Variants in CARMIL1 observed in about 807,000 individuals in gnomAD.
The protein encoded by CARMIL1 is capping protein regulator and myosin 1 linker 1, also known as F-actin-uncapping protein LRRC16A.
In CARMIL1, 90 loss-of-function variants were observed where a neutral mutation model predicts 177.1. The ratio of observed to expected loss-of-function variants is 0.51; its 90% CI spans 0.43 to 0.61. CARMIL1 has a LOEUF of 0.61. Ranked by LOEUF, CARMIL1 falls within the 20% of genes least tolerant of loss-of-function variation. The pLI, the probability that CARMIL1 is intolerant of heterozygous loss-of-function variation, is 0.00. For synonymous variants in CARMIL1, 577 were observed against 606.2 expected, an observed-to-expected ratio of 0.95 and a Z score of 0.71; for missense variants, 1,380 against 1,667.0, an observed-to-expected ratio of 0.83 and a Z score of 3.00.
At chr6:25,328,596 A>G (rs562236741) in intron 2 of CARMIL1, among the ~76,000 whole-genome samples, 1 of 152,130 alleles carries the variant, frequency 6.6e-6, no homozygotes, top group Non-Finnish European at 1.5e-5. Context: ...CAGATGTCAC[A>G]TCTTCGTTAC....
intron 2 of CARMIL1, among the ~76,000 whole-genome samples, chr6:25,379,732 A>G (rs1039228727): frequency 3.3e-5 from 5 of 152,152 alleles, no homozygotes; most frequent in African/African-American, 4.8e-5. Flanking sequence ...CGGGATTGCT[A>G]TATTTCCAAA....
At chr6:25,557,402 C>A (rs1387206550) in intron 29 of CARMIL1, among the ~76,000 whole-genome samples, 1 of 152,042 alleles carries the variant, frequency 6.6e-6, no homozygotes, top group African/African-American at 2.4e-5. Flanking sequence ...GTAGCATATC[C>A]ATCTGGCCCT....
intron 2 of CARMIL1, among the ~76,000 whole-genome samples, chr6:25,342,608 ATCTT>A (rs34278767): frequency 0.25 from 38,530 of 151,870 alleles, 4,894 homozygotes; most frequent in South Asian, 0.34. Context: ...TAGGCTTGAA[ATCTT>A]TCTTTATTTT....
At chr6:25,290,046 T>C (rs925159145) in intron 2 of CARMIL1, among the ~76,000 whole-genome samples, 3 of 152,162 alleles carry the variant, frequency 2.0e-5, no homozygotes, top group African/African-American at 7.2e-5. Flanking sequence ...TTACCAGCAA[T>C]GTATGAGTGG....
At chr6:25,389,868 A>C (rs1581772338) in intron 2 of CARMIL1, among the ~76,000 whole-genome samples, 1 of 152,068 alleles carries the variant, frequency 6.6e-6, no homozygotes, top group South Asian at 2.1e-4. Flanking sequence ...GCCTAGGAAA[A>C]TTTTCTGTGT....
intron 29 of CARMIL1, among the ~76,000 whole-genome samples, chr6:25,568,127 CA>C (rs887013033): frequency 3.3e-5 from 5 of 152,172 alleles, no homozygotes; most frequent in Admixed American, 3.3e-4. Context: ...TGAAAAATAA[CA>C]CTTGGAAACT....
intron 36 of CARMIL1, among the ~76,000 whole-genome samples, chr6:25,616,840 G>T (rs10946785): frequency 0.28 from 43,120 of 151,942 alleles, 6,179 homozygotes; most frequent in Non-Finnish European, 0.3. Flanking sequence ...GGGTGGAGAC[G>T]AGAAGAACAA....
intron 2 of CARMIL1, among the ~76,000 whole-genome samples, chr6:25,349,871 G>T (rs555034115): frequency 6.6e-6 from 1 of 152,150 alleles, no homozygotes; most frequent in South Asian, 2.1e-4. Flanking sequence ...TGGGATTACA[G>T]GCACATGCCA....
chr6:25,542,503 T>G (rs1582304997), intron 26 of CARMIL1, among the ~76,000 whole-genome samples: 1 of 152,136 alleles, frequency 6.6e-6, no homozygotes, highest in East Asian at 1.9e-4. Context: ...AGCATGCTTT[T>G]CTCTCATTCT....
chr6:25,389,440 C>A (rs1381086618), intron 2 of CARMIL1, among the ~76,000 whole-genome samples: 1 of 152,136 alleles, frequency 6.6e-6, no homozygotes, highest in Admixed American at 6.6e-5. Flanking sequence ...CTCAGCCTCC[C>A]AAGAAGCTGG....
rs1475347684 is a variant in CARMIL1 at position 25,520,374 on chromosome 6, AC to A, written c.1968+38del. On this transcript the variant is annotated intron_variant, in intron 23 of 36. Coordinates refer to ENST00000329474, the MANE Select transcript of CARMIL1 (RefSeq NM_017640.6). ...TCAGTAGCTTAATTACAAGAAATTCACATTTGAATTGTGGTTATGTTCCTGA... is the reference window on the plus strand; with the variant it reads ...TCAGTAGCTTAATTACAAGAAATTCAATTTGAATTGTGGTTATGTTCCTGA... 21 of 1,129,368 alleles carry A rather than the reference AC, an allele frequency of 1.9e-5. No homozygotes were observed. In the African/African-American group the frequency reaches 3.3e-4, roughly 18 times the overall value. The allele number at this position is 1,129,368 out of a possible 1,614,324, so 70.0% of individuals were successfully genotyped here.
chr6:25,482,723 A>C (rs906856638), intron 12 of CARMIL1, among the ~76,000 whole-genome samples: 3 of 152,158 alleles, frequency 2.0e-5, no homozygotes, highest in Non-Finnish European at 2.9e-5. Context: ...CTTTACAGAA[A>C]ACTGTTGGGC....
chr6:25,614,450 C>T (rs1816744320), intron 36 of CARMIL1, among the ~76,000 whole-genome samples: 1 of 152,182 alleles, frequency 6.6e-6, no homozygotes, highest in Admixed American at 6.5e-5. Flanking sequence ...GAAAGTTTCT[C>T]TCATATGGCC....
chr6:25,319,764 C>CTT (rs10625095), intron 2 of CARMIL1, among the ~76,000 whole-genome samples: 35,230 of 118,216 alleles, frequency 0.3, 5,247 homozygotes, highest in Admixed American at 0.34. Flanking sequence ...CATTTGGTCA[C>CTT]TTTTTTTTTT....
At position 25,619,564 on chromosome 6, in the gene CARMIL1, A is replaced by G; in HGVS notation, c.4097A>G (p.Lys1366Arg). The G allele has an allele frequency of 6.2e-7, 1 of 1,613,678 alleles. No homozygotes were observed. Among genetic ancestry groups the G allele is most frequent in the Non-Finnish European group, 8.5e-7 (1 of 1,179,796 alleles). Residue 1366 changes from lysine (K) to arginine (R), a missense_variant, in exon 37 of 37, where the codon AAA (lysine) becomes AGA (arginine). Lys to Arg is a conservative substitution (Grantham distance 26). Transcript: ENST00000329474. ...KSNDSGEEAE[K>R]EFIFV ...AATGACTCCGGGGAAGAAGCAGAAA[A>G]AGAGTTTATTTTTGTGTAAAGGTCA...
rs768512498 is a variant in CARMIL1 at position 25,606,077 on chromosome 6, AG to A, written c.3653del (p.Gly1218ValfsTer84). On this transcript the variant is annotated frameshift_variant, in exon 35 of 37. Transcript: ENST00000329474. LOFTEE classifies it high-confidence loss of function. ...TCATCTTAGTGCCTAAACTGCACCCAGGTCTTCCAGAGAACCGCTTTGGTTT... is the reference window on the plus strand; with the variant it reads ...TCATCTTAGTGCCTAAACTGCACCCAGTCTTCCAGAGAACCGCTTTGGTTT... ...GGGAVPKLHP[G>X]LPENRFGLGT... is the part of the protein sequence containing the mutation. 1 of 1,613,648 alleles carries A rather than the reference AG, an allele frequency of 6.2e-7. No individual in the cohort carries two copies. Among genetic ancestry groups the A allele is most frequent in the Non-Finnish European group, 8.5e-7 (1 of 1,179,706 alleles).
At chr6:25,361,407 C>T (rs776405784) in intron 2 of CARMIL1, among the ~76,000 whole-genome samples, 1 of 152,082 alleles carries the variant, frequency 6.6e-6, no homozygotes, top group Non-Finnish European at 1.5e-5. Flanking sequence ...CCACCCCACC[C>T]TTCCAAGCTT....
At chr6:25,591,955 C>A (rs1029517076) in intron 31 of CARMIL1, among the ~76,000 whole-genome samples, 10 of 152,146 alleles carry the variant, frequency 6.6e-5, no homozygotes, top group Admixed American at 2.6e-4. Context: ...CCCCAGAGAA[C>A]CTTTTGTGCT....
chr6:25,466,915 A>G (rs1037658238), intron 9 of CARMIL1, among the ~76,000 whole-genome samples: 15 of 152,184 alleles, frequency 9.9e-5, no homozygotes, highest in Non-Finnish European at 1.6e-4. Flanking sequence ...TTTTTATTAC[A>G]AGGCTGTGGT....
Sources: allele counts gnomAD v4.1 joint callset (sites outside exome capture counted in the v4.1 genomes callset), GRCh38; gene constraint gnomAD v4.1.1; transcripts MANE v1.5; gene names NCBI Gene and HGNC (gene_info 2026-07-23, HGNC 2026-07-21).